The following PDE4D variants were observed in gnomAD, a reference collection of about 807,000 sequenced individuals.
The protein encoded by PDE4D is phosphodiesterase 4D, also known as 3',5'-cyclic-AMP phosphodiesterase 4D.
PDE4D carries 24 observed loss-of-function variants against 87.4 expected under a neutral mutation model. The ratio of observed to expected loss-of-function variants is 0.27; its 90% confidence interval spans 0.20 to 0.39. The LOEUF is 0.39. Among genes scored for constraint, PDE4D ranks in the 10% least tolerant of loss-of-function variants. The pLI is 1.00. For missense variants in PDE4D, 714 were observed against 1,041.0 expected (o/e 0.69, Z 4.32); for synonymous variants, 384 against 383.2 (o/e 1.00, Z -0.02).
chr5:60,416,035 C>G (rs896196734), intron 1 of PDE4D, among the ~76,000 whole-genome samples: 1 of 152,172 alleles, frequency 6.6e-6, no homozygotes, highest in Non-Finnish European at 1.5e-5. Context: ...CACTCTGTAT[C>G]TAGCCCAAGG....
At chr5:60,515,344 T>C (rs1750744731) in intron 1 of PDE4D, among the ~76,000 whole-genome samples, 1 of 152,170 alleles carries the variant, frequency 6.6e-6, no homozygotes, top group South Asian at 2.1e-4. Flanking sequence ...ATTGATTTTA[T>C]GGGAGAACTG....
intron 5 of PDE4D, among the ~76,000 whole-genome samples, chr5:59,102,649 G>A (rs1770953498): frequency 1.3e-5 from 2 of 152,154 alleles, no homozygotes; most frequent in Admixed American, 1.3e-4. Context: ...AGATGATAGA[G>A]GAACCCAGTG....
chr5:60,122,067 C>A (rs1435805338), intron 2 of PDE4D, among the ~76,000 whole-genome samples: 1 of 152,184 alleles, frequency 6.6e-6, no homozygotes, highest in Non-Finnish European at 1.5e-5. Flanking sequence ...CCATGTCTCA[C>A]ATCCAGGTCA....
chr5:59,371,071 C>G (rs992828976), intron 1 of PDE4D, among the ~76,000 whole-genome samples: 1 of 152,148 alleles, frequency 6.6e-6, no homozygotes, highest in Non-Finnish European at 1.5e-5. Context: ...CATCAGCTAT[C>G]ATATTGGTGT....
intron 1 of PDE4D, among the ~76,000 whole-genome samples, chr5:59,489,000 T>C (rs1426428572): frequency 6.6e-6 from 1 of 151,924 alleles, no homozygotes; most frequent in African/African-American, 2.4e-5. Context: ...TTAATAAGGA[T>C]TGTTGGCCAG....
Position 59,610,141 on chromosome 5 carries a change from G to A in PDE4D, c.455+283027C>T, listed in dbSNP as rs563568952. Among the ~76,000 whole-genome samples the A allele has an allele frequency of 4.6e-5, 7 of 152,282 alleles. No individual in the cohort carries two copies. The South Asian group carries it at 8.3e-4, about 18-fold the overall frequency. ...CTAATGAACATGGGTCAAGGTCACTGGTAGAGCAGAGACCAGTACAAAGTG... is the reference window on the plus strand; with the variant it reads ...CTAATGAACATGGGTCAAGGTCACTAGTAGAGCAGAGACCAGTACAAAGTG... On this transcript the variant is annotated intron_variant, in intron 1 of 14. Transcript: ENST00000340635.
chr5:59,139,100 C>A (rs1035718223), intron 5 of PDE4D, among the ~76,000 whole-genome samples: 1 of 152,118 alleles, frequency 6.6e-6, no homozygotes, highest in Admixed American at 6.6e-5. Flanking sequence ...CTATACACTG[C>A]AGGCTAGAAT....
chr5:60,216,237 A>G lies in PDE4D; in HGVS notation c.-89-30550T>C, dbSNP rs149248408. ...GTCTGGAATTGCATCTTGTATTTCT[A>G]TTTTGCTTAGGCCTGCAGTGATCCT... On this transcript the variant is annotated intron_variant, in intron 1 of 16. Transcript: ENST00000502484. Among the ~76,000 whole-genome samples the G allele has an allele frequency of 5.9e-5, 9 of 152,118 alleles. No homozygotes were observed. The East Asian group carries it at 1.4e-3, about 23-fold the overall frequency.
rs1489077360 is a variant in PDE4D, at chr5:59,623,026, A to G, written c.455+270142T>C. ...GATGACACTGATTGTGAGATGCATT[A>G]TTAATTGCTTAATGGTTTTTCAGGA... On this transcript the variant is annotated intron_variant, in intron 1 of 14. Coordinates refer to ENST00000340635, the MANE Select transcript of PDE4D (RefSeq NM_001104631.2). 2.0e-5 allele frequency among the ~76,000 whole-genome samples: 3 copies of G among 152,194 alleles called. No homozygotes were observed. In the East Asian group the frequency reaches 5.8e-4, roughly 29 times the overall value.
intron 1 of PDE4D, chr5:59,558,430 TATC>T (rs1819356264): frequency 6.6e-6 from 1 of 152,102 alleles, no homozygotes; most frequent in Admixed American, 6.6e-5. Flanking sequence ...GGTAAAAGCA[TATC>T]ATTCTCTTGT....
intron 5 of PDE4D, among the ~76,000 whole-genome samples, chr5:59,143,744 T>C (rs534727523): frequency 6.6e-6 from 1 of 152,250 alleles, no homozygotes; most frequent in Non-Finnish European, 1.5e-5. Flanking sequence ...ATTTAATTCA[T>C]GTGCTTCTAG....
At chr5:60,059,773 C>T (rs1441948104) in intron 2 of PDE4D, among the ~76,000 whole-genome samples, 1 of 151,982 alleles carries the variant, frequency 6.6e-6, no homozygotes, top group African/African-American at 2.4e-5. Context: ...GGAGACAGGC[C>T]TCTCCAGCTT....
At chr5:60,337,449 G>A (rs531320463) in intron 1 of PDE4D, among the ~76,000 whole-genome samples, 5 of 146,982 alleles carry the variant, frequency 3.4e-5, no homozygotes, top group Admixed American at 1.4e-4. Context: ...AGCTGAAGAT[G>A]TGGGGAGACA....
At chr5:60,049,938 G>A (rs1769881702) in intron 2 of PDE4D, among the ~76,000 whole-genome samples, 1 of 152,214 alleles carries the variant, frequency 6.6e-6, no homozygotes, top group Non-Finnish European at 1.5e-5. Context: ...AGCAAGCCTG[G>A]GCAATGGTGG....
chr5:60,463,611 T>G (rs1747128301), intron 1 of PDE4D, among the ~76,000 whole-genome samples: 2 of 152,268 alleles, frequency 1.3e-5, no homozygotes, highest in South Asian at 4.1e-4. Flanking sequence ...CAAAACATTC[T>G]AACCCCTGGA....
intron 1 of PDE4D, among the ~76,000 whole-genome samples, chr5:59,882,537 G>A (rs551890760): frequency 1.3e-5 from 2 of 152,186 alleles, no homozygotes; most frequent in African/African-American, 4.8e-5. Flanking sequence ...AGAGAGAAGG[G>A]CTGTGAGTAA....
chr5:59,823,498 C>G (rs554606689), intron 1 of PDE4D, among the ~76,000 whole-genome samples: 1 of 152,136 alleles, frequency 6.6e-6, no homozygotes, highest in African/African-American at 2.4e-5. Context: ...CCTCTCCTTT[C>G]CCCCAGAGGC....
chr5:60,091,467 C>CA (rs1407831112), intron 2 of PDE4D, among the ~76,000 whole-genome samples: 1 of 151,900 alleles, frequency 6.6e-6, no homozygotes, highest in African/African-American at 2.4e-5. Context: ...TGGTAATTAT[C>CA]AAAAAGACAA....
intron 1 of PDE4D, among the ~76,000 whole-genome samples, chr5:59,531,101 A>G (rs1344984088): frequency 1.3e-5 from 2 of 152,238 alleles, no homozygotes; most frequent in African/African-American, 4.8e-5. Flanking sequence ...TCATCTGTGG[A>G]GTTTTGAAAC....
Sources: gnomAD v4.1 joint callset for allele counts (sites outside exome capture counted in the v4.1 genomes callset) on GRCh38, gnomAD v4.1.1 for gene constraint, MANE v1.5 for transcripts, NCBI Gene and HGNC (gene_info 2026-07-23, HGNC 2026-07-21) for gene names.